The following GCN1 variants were observed in gnomAD, a reference collection of about 807,000 sequenced individuals.
GCN1 encodes GCN1 activator of EIF2AK4.
In GCN1, 90 loss-of-function variants were observed where a neutral mutation model predicts 288.4. The ratio of observed to expected loss-of-function variants is 0.31; its 90% CI spans 0.26 to 0.37. The LOEUF (loss-of-function observed/expected upper bound fraction) is 0.37, where lower values mean the gene tolerates loss of function less well. Ranked by LOEUF, GCN1 falls within the 10% of genes least tolerant of loss-of-function variation. GCN1 has a pLI of 1.00. For missense variants in GCN1, 2,586 were observed against 3,419.9 expected (o/e 0.76, Z 6.08); for synonymous variants, 1,386 against 1,420.2 (o/e 0.98, Z 0.54).
chr12:120,194,271 C>CA (rs765295523), intron 1 of GCN1, among the ~76,000 whole-genome samples: 14 of 152,392 alleles, frequency 9.2e-5, no homozygotes, highest in Non-Finnish European at 1.8e-4. Context: ...AGACTACACT[C>CA]AAAGTCCCTG....
At chr12:120,168,073 C>T in intron 16 of GCN1, 135 bp downstream of exon 16, 2 of 674,936 alleles carry the variant, frequency 3.0e-6, no homozygotes, top group South Asian at 3.4e-5. Flanking sequence ...CCCACAACAG[C>T]TAAGCTGTTG....
chr12:120,164,524 G>C, intron 17 of GCN1, 29 bp from the exon 18 acceptor site: 2 of 1,611,114 alleles, frequency 1.2e-6, no homozygotes, highest in Admixed American at 1.7e-5. Flanking sequence ...ACAGGTCTGG[G>C]GGAAGGCCAA....
intron 16 of GCN1, among the ~76,000 whole-genome samples, chr12:120,165,044 TA>T (rs1878070644): frequency 5.9e-5 from 8 of 136,038 alleles, no homozygotes; most frequent in African/African-American, 2.4e-4. Flanking sequence ...CACATATATA[TA>T]TATATATTTT....
At chr12:120,132,930 T>C (rs1876877282) in intron 53 of GCN1, among the ~76,000 whole-genome samples, 1 of 152,070 alleles carries the variant, frequency 6.6e-6, no homozygotes, top group African/African-American at 2.4e-5. Flanking sequence ...AAGCTGGCTC[T>C]GACACCGACT....
At chr12:120,135,089 G>A (rs1035495409) in intron 51 of GCN1, among the ~76,000 whole-genome samples, 3 of 152,136 alleles carry the variant, frequency 2.0e-5, no homozygotes, top group African/African-American at 4.8e-5. Context: ...GCAGACTATC[G>A]GCAGTACTGA....
Position 120,134,282 on chromosome 12 carries a change from C to T in GCN1, c.7317+9G>A, listed in dbSNP as rs1373669120. 6.3e-7 allele frequency: 1 copy of T among 1,595,154 alleles called. No individual in the cohort carries two copies. The highest frequency in any genetic ancestry group is 1.3e-5 in the African/African-American group (1 of 74,706). ...CCAGTGCTGCCACTAGTCCTGCCTG[C>T]AGCCGTACCTCATCGTGTCCCAGCA... On this transcript the variant is annotated intron_variant, in intron 53 of 57. Coordinates refer to ENST00000300648, the MANE Select transcript of GCN1 (RefSeq NM_006836.2). This position sits in a 1 kb window ranked among gnomAD's most constrained non-coding sequence, Gnocchi z 5.0.
At chr12:120,157,712 T>C (rs952592006) in intron 26 of GCN1, 137 bp downstream of exon 26, 5 of 697,360 alleles carry the variant, frequency 7.2e-6, no homozygotes, top group Non-Finnish European at 1.2e-5. Context: ...CCCACAACAC[T>C]GTGTGAGGCT....
intron 7 of GCN1, among the ~76,000 whole-genome samples, chr12:120,177,992 C>A (rs1303213874): frequency 6.6e-6 from 1 of 152,156 alleles, no homozygotes; most frequent in East Asian, 1.9e-4. Flanking sequence ...GCCCACCACT[C>A]AGCTGGCTGC....
rs1877387999 is a variant in GCN1, at chr12:120,147,123, C to A, written c.4876G>T (p.Asp1626Tyr). The part of the protein sequence containing the change: ...IMPIVQRAFQ[D>Y]RSTDTRKMAA... ...ATCTTCCGCGTGTCCGTGGAACGGT[C>A]CTGGAAGGCTCTCTGGACAATGGGC... is the stretch of plus-strand genomic sequence containing the variant. The change falls in exon 38 of 58, where the codon GAC (aspartate) becomes TAC (tyrosine). Residue 1626 changes from aspartate to tyrosine, a missense_variant. Transcript: ENST00000300648. The A allele has an allele frequency of 6.2e-7, 1 of 1,611,038 alleles. No homozygotes were observed. The highest frequency in any genetic ancestry group is 1.1e-5 in the South Asian group (1 of 90,700).
rs1192429123 is a variant in GCN1 at position 120,129,298 on chromosome 12, C to T, written c.7868G>A (p.Arg2623Gln). The T allele has an allele frequency of 8.7e-6, 14 of 1,613,820 alleles. No homozygotes were observed. Among genetic ancestry groups the T allele is most frequent in the East Asian group, 2.2e-5 (1 of 44,888 alleles). The change falls in exon 57 of 58, where the codon CGG becomes CAG. Residue 2623 changes from arginine to glutamine, a missense_variant. Arg to Gln is a conservative substitution (Grantham distance 43, BLOSUM62 1). Coordinates refer to ENST00000300648, the MANE Select transcript of GCN1 (RefSeq NM_006836.2). Reference protein sequence around the residue: ...DQAIVNLLKMRQGEEVFQSLS... With the variant: ...DQAIVNLLKMQQGEEVFQSLS... Reference sequence around the variant, plus strand: ...CACCTGAAACACCTCTTCACCCTGCCGCATCTTGAGGAGGTTGACAATTGC... The same window carrying T: ...CACCTGAAACACCTCTTCACCCTGCTGCATCTTGAGGAGGTTGACAATTGC...
chr12:120,127,669 G>A lies in GCN1; in HGVS notation c.*180C>T, dbSNP rs11554738. 2 of 698,488 alleles carry A rather than the reference G, an allele frequency of 2.9e-6. No homozygotes were observed. Among genetic ancestry groups the A allele is most frequent in the Non-Finnish European group, 4.8e-6 (2 of 412,622 alleles). The allele number at this position is 698,488 out of a possible 1,614,324, so 43.3% of individuals were successfully genotyped here. ...TCTCCACAGGAAAAGGTGAGAGATG[G>A]AGGAGGCAATTTTCAGTTGTGTGTG... On this transcript the variant is annotated 3_prime_UTR_variant, in exon 58 of 58. Transcript: ENST00000300648.
In GCN1 at chr12:120,153,082, T is replaced by C. The variant is rs1335462144; in HGVS notation, c.4062+131A>G. The C allele has an allele frequency of 1.1e-4, 80 of 697,902 alleles. 1 individual carries two copies. In the Admixed American group the frequency reaches 2.1e-3, roughly 19 times the overall value. The allele number at this position is 697,902 out of a possible 1,614,324, so 43.2% of individuals were successfully genotyped here. A position where few individuals can be genotyped will look rare whatever the true frequency, so the allele number is the denominator to read the frequency against. On this transcript the variant is annotated intron_variant, in intron 33 of 57. Transcript: ENST00000300648. The surrounding 1 kb of genome is among the most constrained non-coding windows in gnomAD (Gnocchi z 4.4). ...CCAGGCTCTCCCCTGCGAGAGGGGGTGAATCCTTAACAAGAACTGGGCTTT... is the reference window on the plus strand; with the variant it reads ...CCAGGCTCTCCCCTGCGAGAGGGGGCGAATCCTTAACAAGAACTGGGCTTT...
At chr12:120,141,234 T>C (rs188541861) in intron 44 of GCN1, among the ~76,000 whole-genome samples, 4 of 152,216 alleles carry the variant, frequency 2.6e-5, no homozygotes, top group African/African-American at 9.6e-5. Context: ...CACACACACC[T>C]ACACAACCTA....
At chr12:120,166,533 T>A (rs1375152109) in intron 16 of GCN1, among the ~76,000 whole-genome samples, 1 of 149,828 alleles carries the variant, frequency 6.7e-6, no homozygotes, top group African/African-American at 2.5e-5. Flanking sequence ...TGAAACCCCA[T>A]CTCTTCTAAA....
chr12:120,189,967 GA>G (rs1878951512), intron 2 of GCN1, among the ~76,000 whole-genome samples: 1 of 152,012 alleles, frequency 6.6e-6, no homozygotes, highest in Admixed American at 6.6e-5. Flanking sequence ...GTGACATCGT[GA>G]GACTCTGTCT....
intron 9 of GCN1, 100 bp downstream of exon 9, chr12:120,177,347 T>G: frequency 2.7e-5 from 17 of 623,120 alleles, no homozygotes; most frequent in East Asian, 6.0e-5. Context: ...ACATCCCCCT[T>G]CCCTCCCCCC....
intron 38 of GCN1, among the ~76,000 whole-genome samples, chr12:120,146,036 G>A (rs1056046283): frequency 1.3e-5 from 2 of 152,124 alleles, no homozygotes; most frequent in Non-Finnish European, 2.9e-5. Context: ...GGAAGTCGAG[G>A]CGGGTGGATC....
Position 120,138,610 on chromosome 12 carries a change from T to C in GCN1, c.6156+85A>G, listed in dbSNP as rs1460216761. On this transcript the variant is annotated intron_variant, in intron 46 of 57. Transcript: ENST00000300648. ...CTGGAGGGCCCACATTGCGACTGCC[T>C]TGGCAGAATAATCGCCCTGTATTTT... 19 of 1,406,610 alleles carry C rather than the reference T, an allele frequency of 1.4e-5. No individual in the cohort carries two copies. The Middle Eastern group carries it at 5.4e-4, about 40-fold the overall frequency. The allele number at this position is 1,406,610 out of a possible 1,614,324, so 87.1% of individuals were successfully genotyped here. A position where few individuals can be genotyped will look rare whatever the true frequency, so the allele number is the denominator to read the frequency against.
chr12:120,184,066 G>A (rs1236234690), intron 4 of GCN1, 46 bp downstream of exon 4: 2 of 1,553,318 alleles, frequency 1.3e-6, no homozygotes, highest in African/African-American at 2.7e-5. Context: ...CTTCTCCTGA[G>A]CAGGACTGTA....
Sources: allele counts gnomAD v4.1 joint callset (sites outside exome capture counted in the v4.1 genomes callset), GRCh38; gene constraint gnomAD v4.1.1; non-coding constraint Gnocchi (gnomAD v3.1); transcripts MANE v1.5; gene names NCBI Gene and HGNC (gene_info 2026-07-23, HGNC 2026-07-21).